TNNC2: variants seen among roughly 807,000 people sequenced by gnomAD.
TNNC2 encodes the protein troponin C, skeletal muscle.
Under a neutral mutation model 20.0 loss-of-function variants are expected in TNNC2, and 14 were observed. The observed-to-expected ratio is 0.70, with a 90% CI of 0.46 to 1.09. The LOEUF (loss-of-function observed/expected upper bound fraction) is 1.09, where lower values mean the gene tolerates loss of function less well. Ranked by LOEUF, TNNC2 falls within the 50% of genes least tolerant of loss-of-function variation. The probability of loss-of-function intolerance (pLI) is 0.00; values close to 1 mark genes in which losing one functional copy is unlikely to be tolerated. For missense variants in TNNC2, 163 were observed against 223.8 expected (o/e 0.73, Z 1.73); for synonymous variants, 81 against 77.3 (o/e 1.05, Z -0.25).
chr20:45,828,258 G>T (rs1024202025), upstream of TNNC2, among the ~76,000 whole-genome samples: 1 of 149,540 alleles, frequency 6.7e-6, no homozygotes, highest in African/African-American at 2.5e-5. Context: ...GGCTGGTCTC[G>T]AACTCCTAGG....
upstream of TNNC2, among the ~76,000 whole-genome samples, chr20:45,830,851 A>T (rs1009347127): frequency 1.3e-5 from 2 of 152,206 alleles, no homozygotes; most frequent in African/African-American, 4.8e-5. Context: ...GGAGATATCC[A>T]TACAGAATTT....
upstream of TNNC2, among the ~76,000 whole-genome samples, chr20:45,830,239 G>C (rs1160191657): frequency 6.6e-6 from 1 of 150,740 alleles, no homozygotes; most frequent in Non-Finnish European, 1.5e-5. Context: ...GGGAAGCTGA[G>C]GCAGAAGAAT....
chr20:45,825,015 G>A (rs983118155), intron 1 of TNNC2, among the ~76,000 whole-genome samples, 181 bp from the exon 2 acceptor site: 25 of 152,118 alleles, frequency 1.6e-4, no homozygotes, highest in Admixed American at 6.6e-5. Context: ...GTTTTGTCTC[G>A]TTCTGTCACA....
upstream of TNNC2, among the ~76,000 whole-genome samples, chr20:45,827,831 T>C (rs1983012017): frequency 6.6e-6 from 1 of 152,172 alleles, no homozygotes; most frequent in Non-Finnish European, 1.5e-5. Flanking sequence ...ACCTAGCTTG[T>C]GCTGGGTACA....
chr20:45,823,369 C>A lies in TNNC2; in HGVS notation c.462G>T (p.Lys154Asn), dbSNP rs746310393. 1 of 1,592,452 alleles carries A rather than the reference C, an allele frequency of 6.3e-7. No homozygotes were observed. Among genetic ancestry groups the A allele is most frequent in the Admixed American group, 1.8e-5 (1 of 56,346 alleles). Residue 154 changes from lysine to asparagine, a missense_variant, in exon 6 of 6, where the codon AAG (lysine) becomes AAT (asparagine). Lys to Asn is a moderately conservative substitution (Grantham distance 94). Coordinates refer to ENST00000372555, the MANE Select transcript of TNNC2 (RefSeq NM_003279.3). This position sits in a 1 kb window ranked among gnomAD's most constrained non-coding sequence, Gnocchi z 4.6. ...DGRIDFDEFL[K>N]MMEGVQ ...CTCCTTACTGCACGCCCTCCATCAT[C>A]TTCAGGAACTCTGAGGGAAAGGAGA...
chr20:45,824,742 C>A, intron 2 of TNNC2, 41 bp downstream of exon 2: 2 of 1,607,060 alleles, frequency 1.2e-6, no homozygotes, highest in Non-Finnish European at 1.7e-6. Context: ...ATGTCCCCAG[C>A]ATACATCCAC....
intron 1 of TNNC2, among the ~76,000 whole-genome samples, chr20:45,825,449 G>A (rs1392327771): frequency 2.0e-5 from 3 of 151,364 alleles, no homozygotes; most frequent in Non-Finnish European, 4.4e-5. Context: ...GCGCCAACAC[G>A]CCCAGCTAAT....
At position 45,823,240 on chromosome 20, in the gene TNNC2, C is replaced by G; in HGVS notation, c.*108G>C. ...TTTGGAACATTTGCTTTTATTCCTT[C>G]CAGACAAAGACCCACAAGGGGTCGC... is the stretch of plus-strand genomic sequence containing the variant. On this transcript the variant is annotated 3_prime_UTR_variant, in exon 6 of 6. Coordinates refer to ENST00000372555, the MANE Select transcript of TNNC2 (RefSeq NM_003279.3). This position sits in a 1 kb window ranked among gnomAD's most constrained non-coding sequence, Gnocchi z 4.6. The G allele has an allele frequency of 9.1e-7, 1 of 1,100,142 alleles. No homozygotes were observed. 68.1% of individuals were successfully genotyped at this position (1,100,142 alleles called of 1,614,324 possible).
intron 1 of TNNC2, among the ~76,000 whole-genome samples, chr20:45,825,323 G>A (rs191653568): frequency 1.7e-3 from 263 of 151,584 alleles, no homozygotes; most frequent in African/African-American, 5.9e-3. Flanking sequence ...TGACAGTCTC[G>A]CCCTGTCGCC....
chr20:45,828,414 GA>G (rs1446166300), upstream of TNNC2, among the ~76,000 whole-genome samples: 3 of 152,142 alleles, frequency 2.0e-5, no homozygotes, highest in African/African-American at 7.2e-5. Flanking sequence ...TGTCCAGATG[GA>G]AAAATGTATG....
rs1272634847 is a variant in TNNC2, at chr20:45,824,305, G to A, written c.301C>T (p.Arg101Cys). 6.2e-7 allele frequency: 1 copy of A among 1,610,398 alleles called. No homozygotes were observed. Among genetic ancestry groups the A allele is most frequent in the Admixed American group, 1.7e-5 (1 of 60,004 alleles). ...CCCCCAGCGCACCTGTCGAAGATGC[G>A]GAAGCACTCGGCCAGCTCCTCCTCG... ...KSEEELAECFRIFDRNADGYI... is the reference protein window; with the variant it reads ...KSEEELAECFCIFDRNADGYI... The change falls in exon 4 of 6, where the codon CGC becomes TGC. Residue 101 changes from arginine (R) to cysteine (C), a missense_variant. Arg to Cys is a radical substitution (Grantham distance 180). Transcript: ENST00000372555.
At chr20:45,825,427 G>T (rs1222319368) in intron 1 of TNNC2, among the ~76,000 whole-genome samples, 1 of 152,102 alleles carries the variant, frequency 6.6e-6, no homozygotes, top group Non-Finnish European at 1.5e-5. Context: ...GAGTAGCTGG[G>T]ATTACAGGCA....
rs1404579154 is a variant in TNNC2, at chr20:45,823,550, C to T, written c.452-171G>A. 6.6e-6 allele frequency among the ~76,000 whole-genome samples: 1 copy of T among 152,126 alleles called. No homozygotes were observed. Among genetic ancestry groups the T allele is most frequent in the Non-Finnish European group, 1.5e-5 (1 of 68,020 alleles). On this transcript the variant is annotated intron_variant, in intron 5 of 5. Coordinates refer to ENST00000372555, the MANE Select transcript of TNNC2 (RefSeq NM_003279.3). The surrounding 1 kb of genome is among the most constrained non-coding windows in gnomAD (Gnocchi z 4.6). ...TGTCACCCAGGCTAGAGTGCAGTGG[C>T]ACAATCATAACTCATTGCAGCCTTG... is the stretch of plus-strand genomic sequence containing the variant.
chr20:45,824,575 A>T lies in TNNC2; in HGVS notation c.119T>A (p.Leu40Ter). ...GCCCAGCATCCTCATCACCGTGCCC[A>T]ACTCCTTGACGCTGATGTCCCCACC... ...DGGGDISVKE[L>*]GTVMRMLGQT... The change falls in exon 3 of 6, where the codon TTG becomes TAG. Residue 40 changes from leucine (L) to a stop codon, truncating the protein, a stop_gained. Coordinates refer to ENST00000372555, the MANE Select transcript of TNNC2 (RefSeq NM_003279.3). LOFTEE classifies it high-confidence loss of function. The T allele has an allele frequency of 6.2e-7, 1 of 1,612,782 alleles. No homozygotes were observed. Among genetic ancestry groups the T allele is most frequent in the Non-Finnish European group, 8.5e-7 (1 of 1,179,990 alleles).
chr20:45,823,384 G>C lies in TNNC2; in HGVS notation c.452-5C>G, dbSNP rs1433855610. 6.3e-7 allele frequency: 1 copy of C among 1,592,754 alleles called. No individual in the cohort carries two copies. The highest frequency in any genetic ancestry group is 8.5e-7 in the Non-Finnish European group (1 of 1,170,182). On this transcript the variant is annotated splice_region_variant and splice_polypyrimidine_tract_variant and intron_variant, in intron 5 of 5. Coordinates refer to ENST00000372555, the MANE Select transcript of TNNC2 (RefSeq NM_003279.3). This position sits in a 1 kb window ranked among gnomAD's most constrained non-coding sequence, Gnocchi z 4.6. ...CCTCCATCATCTTCAGGAACTCTGA[G>C]GGAAAGGAGAGGGAGAGGGTCAGGG... is the stretch of plus-strand genomic sequence containing the variant.
intron 1 of TNNC2, among the ~76,000 whole-genome samples, chr20:45,825,262 C>A (rs1907650433): frequency 6.6e-6 from 1 of 152,098 alleles, no homozygotes; most frequent in South Asian, 2.1e-4. Context: ...CAGGCTTGAG[C>A]CACTGTGCCC....
chr20:45,827,180 G>A (rs949047595), intron 1 of TNNC2, 66 bp downstream of exon 1: 5 of 1,608,934 alleles, frequency 3.1e-6, no homozygotes, highest in East Asian at 4.5e-5. Flanking sequence ...GAGCACCCAG[G>A]CCTGGCCTGA....
chr20:45,823,868 A>C lies in TNNC2; in HGVS notation c.451+123T>G. 6.6e-7 allele frequency: 1 copy of C among 1,504,538 alleles called. No homozygotes were observed. 93.2% of individuals were successfully genotyped at this position (1,504,538 alleles called of 1,614,324 possible). On this transcript the variant is annotated intron_variant, in intron 5 of 5. Transcript: ENST00000372555. The surrounding 1 kb of genome is among the most constrained non-coding windows in gnomAD (Gnocchi z 4.6). ...ACCTGCCCCCAGGAGACTATGGGGA[A>C]CTTGGTGAAGTTACGCCCAGCCCAG...
upstream of TNNC2, among the ~76,000 whole-genome samples, chr20:45,832,063 G>C (rs920318386): frequency 3.3e-5 from 5 of 152,348 alleles, no homozygotes; most frequent in Admixed American, 2.0e-4. Flanking sequence ...TGTAATCCCA[G>C]CACTTTGGGA....
Sources: gnomAD v4.1 joint callset for allele counts (sites outside exome capture counted in the v4.1 genomes callset) on GRCh38, gnomAD v4.1.1 for gene constraint, Gnocchi (gnomAD v3.1) non-coding constraint, MANE v1.5 for transcripts, NCBI Gene and HGNC (gene_info 2026-07-23, HGNC 2026-07-21) for gene names.